Variants in ACOT1 observed in about 807,000 individuals in gnomAD.
ACOT1 encodes the protein acyl-coenzyme A thioesterase 1.
A neutral mutation model predicts 15.7 loss-of-function variants in ACOT1; 8 were observed. That is an observed-to-expected ratio of 0.51 (90% confidence interval 0.30 to 0.92). The LOEUF is 0.92. ACOT1 is among the 40% of genes least tolerant of loss of function. ACOT1 has a pLI of 0.06. For missense variants in ACOT1, 151 were observed against 539.4 expected, an observed-to-expected ratio of 0.28 and a Z score of 7.13; for synonymous variants, 67 against 241.2, an observed-to-expected ratio of 0.28 and a Z score of 6.69.
chr14:73,531,310 G>A, the ACOT1 span: 4 of 112,710 alleles, frequency 3.5e-5, no homozygotes, highest in South Asian at 8.6e-4. Flanking sequence ...GGGTTCAGTC[G>A]GGGGTATATC....
At chr14:73,500,401 C>G in the ACOT1 span, 18 of 732,288 alleles carry the variant, frequency 2.5e-5, no homozygotes, top group African/African-American at 2.8e-4. Context: ...TGAAACAGTC[C>G]TGTTTGAAGT....
chr14:73,496,724 T>C, the ACOT1 span: 4 of 1,031,038 alleles, frequency 3.9e-6, no homozygotes, highest in Middle Eastern at 2.3e-4. Context: ...CCCTGCCCTT[T>C]AAAAAAGTAT....
the ACOT1 span, among the ~76,000 whole-genome samples, chr14:73,507,788 G>C: frequency 1.3e-4 from 19 of 152,000 alleles, no homozygotes; most frequent in South Asian, 2.1e-4. Flanking sequence ...TGTCACCTAG[G>C]CTGGAGTGTA....
the ACOT1 span, chr14:73,502,829 C>A: frequency 3.1e-6 from 4 of 1,293,566 alleles, no homozygotes; most frequent in African/African-American, 2.9e-5. Context: ...GCCACCTTGC[C>A]CAGCCTGCCT....
upstream of ACOT1, among the ~76,000 whole-genome samples, chr14:73,532,961 AT>A (rs1888753663): frequency 1.1e-4 from 12 of 111,174 alleles, 1 homozygote; most frequent in South Asian, 8.7e-4. Flanking sequence ...TCTCAAAAAA[AT>A]AAATAAATAA....
the ACOT1 span, chr14:73,491,677 G>T: frequency 6.5e-7 from 1 of 1,549,874 alleles, no homozygotes; most frequent in Non-Finnish European, 8.7e-7. Context: ...ACTTTTACCG[G>T]CGCCTATGGG....
chr14:73,528,687 T>C, the ACOT1 span, among the ~76,000 whole-genome samples: 2 of 152,206 alleles, frequency 1.3e-5, no homozygotes, highest in African/African-American at 2.4e-5. Context: ...TAATTTAGTG[T>C]TGATTGATAT....
At chr14:73,500,357 TGTGGCC>T in the ACOT1 span, among the ~76,000 whole-genome samples, 4 of 151,990 alleles carry the variant, frequency 2.6e-5, no homozygotes, top group African/African-American at 9.7e-5. Flanking sequence ...ATTCTTCCAT[TGTGGCC>T]CAGGGAAGCC....
the ACOT1 span, among the ~76,000 whole-genome samples, chr14:73,513,728 CAAAAAAAAAAAA>C: frequency 3.0e-4 from 14 of 46,776 alleles, 1 homozygote; most frequent in East Asian, 1.8e-3. Context: ...ACTACGTCTC[CAAAAAAAAAAAA>C]AAAAAAAAAA....
At chr14:73,520,968 T>G in the ACOT1 span, 1 of 1,613,898 alleles carries the variant, frequency 6.2e-7, no homozygotes, top group Non-Finnish European at 8.5e-7. Context: ...CGTCTTTTCA[T>G]GGATATCCTC....
At chr14:73,493,224 A>T in the ACOT1 span, 1 of 880,072 alleles carries the variant, frequency 1.1e-6, no homozygotes. Flanking sequence ...GCTTCAGTGT[A>T]CTGGGTAACA....
the ACOT1 span, chr14:73,506,459 A>G: frequency 1.2e-6 from 2 of 1,607,718 alleles, no homozygotes; most frequent in Non-Finnish European, 1.7e-6. Flanking sequence ...GCAAAGAAAG[A>G]GGTTTACCAA....
At chr14:73,533,065 C>T (rs1888757745), upstream of ACOT1, among the ~76,000 whole-genome samples, 2 of 115,518 alleles carry the variant, frequency 1.7e-5, 1 homozygote, top group Non-Finnish European at 3.8e-5. Context: ...TTTGAGGCTG[C>T]AGTGAGCTAT....
chr14:73,507,934 G>A, the ACOT1 span, among the ~76,000 whole-genome samples: 7 of 152,058 alleles, frequency 4.6e-5, no homozygotes, highest in African/African-American at 1.7e-4. Flanking sequence ...TAGTAGAGAT[G>A]AGGTTTCACC....
chr14:73,496,555 G>T, the ACOT1 span: 10 of 1,193,732 alleles, frequency 8.4e-6, no homozygotes, highest in Admixed American at 1.7e-5. Context: ...AGGAACTCTT[G>T]AGAGTCCTGA....
chr14:73,495,493 G>T, the ACOT1 span: 1 of 920,424 alleles, frequency 1.1e-6, no homozygotes, highest in Non-Finnish European at 1.6e-6. Flanking sequence ...TGAGGAGGGA[G>T]GATCACTTGA....
chr14:73,491,506 C>T, the ACOT1 span: 12 of 1,514,522 alleles, frequency 7.9e-6, no homozygotes, highest in Admixed American at 6.2e-5. Context: ...CGTCCGGGGC[C>T]CCTGCGACGG....
At chr14:73,519,174 A>T in the ACOT1 span, 1 of 1,608,238 alleles carries the variant, frequency 6.2e-7, no homozygotes, top group African/African-American at 1.3e-5. Context: ...CTGTGAACAG[A>T]CAAAGAAACA....
At chr14:73,529,567 C>T in the ACOT1 span, among the ~76,000 whole-genome samples, 1 of 151,886 alleles carries the variant, frequency 6.6e-6, no homozygotes, top group Non-Finnish European at 1.5e-5. Flanking sequence ...GGACTAAATT[C>T]CTCTCCTGCC....
Sources: allele counts gnomAD v4.1 joint callset (sites outside exome capture counted in the v4.1 genomes callset), GRCh38; gene constraint gnomAD v4.1.1; transcripts MANE v1.5; gene names NCBI Gene and HGNC (gene_info 2026-07-23, HGNC 2026-07-21).